Variants in CRYZ observed in about 807,000 individuals in gnomAD.
The protein encoded by CRYZ is crystallin zeta.
A neutral mutation model predicts 34.1 loss-of-function variants in CRYZ; 35 were observed. The ratio of observed to expected loss-of-function variants is 1.03; its 90% CI spans 0.78 to 1.36. CRYZ has a LOEUF of 1.36. Among genes scored for constraint, CRYZ ranks in the 40% most tolerant of loss-of-function variants. The pLI, the probability that CRYZ is intolerant of heterozygous loss-of-function variation, is 0.00. For synonymous variants in CRYZ, 137 were observed against 136.5 expected, an observed-to-expected ratio of 1.00 and a Z score of -0.03; for missense variants, 403 against 391.8, an observed-to-expected ratio of 1.03 and a Z score of -0.24.
intron 1 of CRYZ, chr1:74,732,623 T>A (rs1225412213): frequency 1.9e-4 from 2 of 10,388 alleles, no homozygotes; most frequent in Non-Finnish European, 5.5e-4. Context: ...GGGTGCAGCG[T>A]GGGGCTGGGG....
intron 5 of CRYZ, among the ~76,000 whole-genome samples, chr1:74,710,958 C>T (rs1016109390): frequency 8.5e-5 from 13 of 152,172 alleles, no homozygotes; most frequent in African/African-American, 3.1e-4. Context: ...CTATTTAGGT[C>T]ATCAGGAAGA....
Position 74,706,923 on chromosome 1 carries a change from TC to T in CRYZ, c.803del (p.Gly268GlufsTer28). ...DTMAKESSII[G>X]VTLFSSTKEE... ...CCTTGGTTGAGGAAAAGAGAGTAAC[TC>T]CAATTATACTCGACTCCTTTGCCAT... On this transcript the variant is annotated frameshift_variant, in exon 8 of 9. Coordinates refer to ENST00000340866, the MANE Select transcript of CRYZ (RefSeq NM_001889.4). LOFTEE classifies it high-confidence loss of function. The T allele has an allele frequency of 6.2e-7, 1 of 1,612,904 alleles. No homozygotes were observed. Among genetic ancestry groups the T allele is most frequent in the Non-Finnish European group, 8.5e-7 (1 of 1,179,226 alleles).
intron 6 of CRYZ, among the ~76,000 whole-genome samples, chr1:74,709,759 CA>C (rs1306435613): frequency 2.0e-5 from 3 of 152,164 alleles, no homozygotes; most frequent in Admixed American, 2.0e-4. Context: ...GAATTCACAT[CA>C]GTAGAAATTA....
intron 5 of CRYZ, among the ~76,000 whole-genome samples, chr1:74,710,852 G>A (rs981376582): frequency 4.6e-5 from 7 of 152,134 alleles, no homozygotes; most frequent in African/African-American, 1.7e-4. Flanking sequence ...GGTGGAGGAA[G>A]ATAATAGTCA....
chr1:74,706,257 A>G lies in CRYZ; in HGVS notation c.*39T>C, dbSNP rs750590782. The G allele has an allele frequency of 6.6e-7, 1 of 1,518,992 alleles. No individual in the cohort carries two copies. The highest frequency in any genetic ancestry group is 8.9e-7 in the Non-Finnish European group (1 of 1,122,476). 94.1% of individuals were successfully genotyped at this position (1,518,992 alleles called of 1,614,324 possible). ...TAAGTACAACTGGGGGAAAGACAGT[A>G]CCTCTAATTACATAGGAAATCCATG... On this transcript the variant is annotated 3_prime_UTR_variant, in exon 9 of 9. Coordinates refer to ENST00000340866, the MANE Select transcript of CRYZ (RefSeq NM_001889.4).
chr1:74,710,221 A>T lies in CRYZ; in HGVS notation c.507T>A (p.Ala169=). The T allele has an allele frequency of 6.2e-7, 1 of 1,613,786 alleles. No homozygotes were observed. The change falls in exon 6 of 9, where the codon GCT becomes GCA. Residue 169 remains alanine, a synonymous_variant. Coordinates refer to ENST00000340866, the MANE Select transcript of CRYZ (RefSeq NM_001889.4). The stretch of plus-strand genomic sequence containing the variant: ...CCAAAATCTTTAAGCCATAAGCTCT[A>T]GCAATTTGGCATGCTGCTAATCCAA... ...GGVGLAACQI[A]RAYGLKILGT...
At chr1:74,732,416 G>C (rs373570306) in intron 1 of CRYZ, among the ~76,000 whole-genome samples, 1 of 149,174 alleles carries the variant, frequency 6.7e-6, no homozygotes, top group South Asian at 2.2e-4. Context: ...GTGCGAAGGG[G>C]CCCTACCTAG....
At chr1:74,729,134 GTTTT>G (rs35216240) in intron 1 of CRYZ, among the ~76,000 whole-genome samples, 1 of 143,984 alleles carries the variant, frequency 6.9e-6, no homozygotes. Context: ...TTTTTGTTTT[GTTTT>G]TTTTTTTTTC....
At chr1:74,729,134 GTT>G (rs35216240) in intron 1 of CRYZ, among the ~76,000 whole-genome samples, 65 of 143,996 alleles carry the variant, frequency 4.5e-4, no homozygotes, top group Admixed American at 4.1e-4. Flanking sequence ...TTTTTGTTTT[GTT>G]TTTTTTTTTT....
intron 1 of CRYZ, among the ~76,000 whole-genome samples, chr1:74,727,105 C>A (rs1223039617): frequency 6.6e-6 from 1 of 151,740 alleles, no homozygotes; most frequent in Non-Finnish European, 1.5e-5. Context: ...TTCCTGTCTT[C>A]TGAGCCCTCC....
intron 2 of CRYZ, 124 bp from the exon 3 acceptor site, chr1:74,723,394 G>A (rs1647200301): frequency 1.2e-6 from 1 of 827,910 alleles, no homozygotes; most frequent in Admixed American, 2.7e-5. Flanking sequence ...ATAAGTGCTT[G>A]CCTTCAACAA....
intron 3 of CRYZ, 131 bp downstream of exon 3, chr1:74,722,987 G>A: frequency 5.0e-6 from 4 of 797,836 alleles, no homozygotes; most frequent in Middle Eastern, 2.9e-4. Flanking sequence ...TTGACTAGAG[G>A]AGTCCCCCGA....
chr1:74,710,660 T>C (rs969179464), intron 5 of CRYZ, among the ~76,000 whole-genome samples: 4 of 152,160 alleles, frequency 2.6e-5, no homozygotes, highest in Non-Finnish European at 5.9e-5. Flanking sequence ...GATCAGAACA[T>C]GCTCTCTGAC....
At chr1:74,731,950 A>G (rs1352643959) in intron 1 of CRYZ, among the ~76,000 whole-genome samples, 1 of 152,214 alleles carries the variant, frequency 6.6e-6, no homozygotes, top group Non-Finnish European at 1.5e-5. Context: ...CAATAAAACT[A>G]TACATTTCTC....
chr1:74,710,503 C>T (rs1278253648), intron 5 of CRYZ, among the ~76,000 whole-genome samples: 1 of 152,124 alleles, frequency 6.6e-6, no homozygotes, highest in Non-Finnish European at 1.5e-5. Context: ...ATTATTGTCC[C>T]TATTGTACAG....
At chr1:74,714,671 A>G (rs1647047858) in intron 4 of CRYZ, 41 bp from the exon 5 acceptor site, 2 of 1,605,258 alleles carry the variant, frequency 1.2e-6, no homozygotes, top group East Asian at 4.5e-5. Context: ...TATTTTTTGA[A>G]GCTAATTAAT....
chr1:74,716,122 C>T (rs961023993), intron 4 of CRYZ, among the ~76,000 whole-genome samples: 3 of 151,878 alleles, frequency 2.0e-5, no homozygotes, highest in Non-Finnish European at 2.9e-5. Context: ...GCTGGCCCAC[C>T]GCAACAGATT....
chr1:74,714,764 C>T, intron 4 of CRYZ, 134 bp from the exon 5 acceptor site: 1 of 743,484 alleles, frequency 1.3e-6, no homozygotes, highest in Non-Finnish European at 2.3e-6. Context: ...ACCTGACATA[C>T]AGCCCCAAAT....
intron 2 of CRYZ, among the ~76,000 whole-genome samples, chr1:74,724,446 A>C (rs1647233523): frequency 1.3e-5 from 2 of 152,240 alleles, no homozygotes; most frequent in Non-Finnish European, 2.9e-5. Flanking sequence ...GTGTCCATTC[A>C]GAAAAATCCA....
Sources: gnomAD v4.1 joint callset for allele counts (sites outside exome capture counted in the v4.1 genomes callset) on GRCh38, gnomAD v4.1.1 for gene constraint, MANE v1.5 for transcripts, NCBI Gene and HGNC (gene_info 2026-07-23, HGNC 2026-07-21) for gene names.